Variants in PTPRZ1 observed in about 807,000 individuals in gnomAD.
PTPRZ1 encodes the protein receptor-type tyrosine-protein phosphatase zeta.
PTPRZ1 carries 82 observed loss-of-function variants against 214.1 expected under a neutral mutation model. The ratio of observed to expected loss-of-function variants is 0.38; its 90% CI spans 0.32 to 0.46. The LOEUF (loss-of-function observed/expected upper bound fraction) is 0.46, where lower values mean the gene tolerates loss of function less well. Ranked by LOEUF, PTPRZ1 falls within the 20% of genes least tolerant of loss-of-function variation. The probability of loss-of-function intolerance (pLI) is 1.00; values close to 1 mark genes in which losing one functional copy is unlikely to be tolerated. For synonymous variants in PTPRZ1, 945 were observed against 987.9 expected (o/e 0.96, Z 0.81); for missense variants, 2,603 against 2,748.7 (o/e 0.95, Z 1.19).
At chr7:122,059,039 T>C in intron 28 of PTPRZ1, 97 bp downstream of exon 28, 2 of 1,201,274 alleles carry the variant, frequency 1.7e-6, no homozygotes, top group Admixed American at 2.6e-5. Context: ...TTGGACCCAC[T>C]GTGATGATTC....
chr7:121,911,021 C>T (rs1795257777), intron 1 of PTPRZ1, among the ~76,000 whole-genome samples: 4 of 152,078 alleles, frequency 2.6e-5, no homozygotes, highest in Non-Finnish European at 4.4e-5. Context: ...AATAACTTAG[C>T]TAATGACAAC....
intron 13 of PTPRZ1, among the ~76,000 whole-genome samples, chr7:122,023,848 T>C (rs1190553406): frequency 1.3e-5 from 1 of 75,668 alleles, no homozygotes; most frequent in Non-Finnish European, 2.2e-5. Context: ...ATTATATATA[T>C]ATAAAAAAAA....
intron 2 of PTPRZ1, among the ~76,000 whole-genome samples, chr7:121,930,784 A>G (rs1053095461): frequency 1.1e-4 from 16 of 152,144 alleles, no homozygotes; most frequent in African/African-American, 3.6e-4. Context: ...ACATCTGACA[A>G]TTGTAACTCA....
At chr7:121,895,328 T>C (rs1794755627) in intron 1 of PTPRZ1, among the ~76,000 whole-genome samples, 1 of 152,142 alleles carries the variant, frequency 6.6e-6, no homozygotes, top group Admixed American at 6.5e-5. Context: ...TTATTTCTCT[T>C]TTTTGGGAGC....
chr7:122,015,726 A>C (rs538375631), intron 12 of PTPRZ1, among the ~76,000 whole-genome samples: 1 of 152,020 alleles, frequency 6.6e-6, no homozygotes, highest in Non-Finnish European at 1.5e-5. Flanking sequence ...GAGATGCTAA[A>C]CCTAAAATTA....
Position 121,984,137 on chromosome 7 carries a change from C to A in PTPRZ1, c.928+20C>A, listed in dbSNP as rs1385065159. The A allele has an allele frequency of 1.2e-6, 2 of 1,600,288 alleles. No homozygotes were observed. Among genetic ancestry groups the A allele is most frequent in the Non-Finnish European group, 1.7e-6 (2 of 1,171,106 alleles). ...AAGCAGGTATGTATTTAAATATAAT[C>A]TTCTACAACTCTCATAGATGCAGTG... On this transcript the variant is annotated intron_variant, in intron 8 of 29. Transcript: ENST00000393386.
At chr7:121,960,622 ACT>A (rs1796845793) in intron 2 of PTPRZ1, among the ~76,000 whole-genome samples, 1 of 152,200 alleles carries the variant, frequency 6.6e-6, no homozygotes, top group Non-Finnish European at 1.5e-5. Flanking sequence ...TGAAGGTAAG[ACT>A]CAACAAGAAC....
At chr7:121,895,702 T>C (rs865973214) in intron 1 of PTPRZ1, among the ~76,000 whole-genome samples, 1 of 152,202 alleles carries the variant, frequency 6.6e-6, no homozygotes, top group Non-Finnish European at 1.5e-5. Context: ...ATTGGCCTTA[T>C]GAGGAAAGGA....
intron 1 of PTPRZ1, among the ~76,000 whole-genome samples, chr7:121,926,380 C>T (rs965000048): frequency 2.6e-5 from 4 of 151,692 alleles, no homozygotes; most frequent in African/African-American, 9.7e-5. Flanking sequence ...GGCCTATGGT[C>T]AAGAACAACC....
intron 22 of PTPRZ1, among the ~76,000 whole-genome samples, chr7:122,043,066 C>T (rs1435711105): frequency 2.0e-5 from 3 of 152,222 alleles, no homozygotes; most frequent in Non-Finnish European, 4.4e-5. Flanking sequence ...CTCTTATAAG[C>T]ATACCAGTTA....
intron 2 of PTPRZ1, among the ~76,000 whole-genome samples, chr7:121,963,061 T>C (rs1796929835): frequency 6.6e-6 from 1 of 152,318 alleles, no homozygotes; most frequent in South Asian, 2.1e-4. Flanking sequence ...TGGCCTCTTT[T>C]ATTTTGCTTT....
At chr7:121,921,653 A>G (rs765231486) in intron 1 of PTPRZ1, among the ~76,000 whole-genome samples, 2 of 152,128 alleles carry the variant, frequency 1.3e-5, no homozygotes, top group Non-Finnish European at 2.9e-5. Context: ...TATTTTGCAT[A>G]AAGTTTCTAT....
At position 122,012,014 on chromosome 7, in the gene PTPRZ1, C is replaced by G. The variant is rs752205076; in HGVS notation, c.2968C>G (p.Leu990Val). ...TASLLQPTHA[L>V]SGDGEWSGAS... ...ATCATTACTGCAGCCTACTCATGCC[C>G]TCTCTGGTGATGGGGAATGGTCTGG... The change falls in exon 12 of 30, where the codon CTC becomes GTC. Residue 990 changes from leucine to valine, a missense_variant. By Grantham distance (32) the Leu-to-Val change is conservative (BLOSUM62 1). Around this residue, in one of 6 missense-constraint regions of PTPRZ1, gnomAD observed 1,913 missense variants for 1,914.3 expected, o/e 1.00. Coordinates refer to ENST00000393386, the MANE Select transcript of PTPRZ1 (RefSeq NM_002851.3). 51 of 1,614,096 alleles carry G rather than the reference C, an allele frequency of 3.2e-5. No individual in the cohort carries two copies. The East Asian group carries it at 9.1e-4, about 29-fold the overall frequency.
chr7:122,035,004 T>TAAGA (rs1799492755), intron 17 of PTPRZ1, among the ~76,000 whole-genome samples: 1 of 152,192 alleles, frequency 6.6e-6, no homozygotes, highest in Non-Finnish European at 1.5e-5. Context: ...TCTGGTTGCA[T>TAAGA]TTGTTCCCTC....
At chr7:121,891,847 ATT>A (rs1193111434) in intron 1 of PTPRZ1, among the ~76,000 whole-genome samples, 1 of 151,800 alleles carries the variant, frequency 6.6e-6, no homozygotes, top group African/African-American at 2.4e-5. Flanking sequence ...TTTTTCTGTC[ATT>A]GTCAAAAGTG....
At chr7:121,989,451 C>T (rs948233852) in intron 8 of PTPRZ1, among the ~76,000 whole-genome samples, 3 of 151,472 alleles carry the variant, frequency 2.0e-5, no homozygotes, top group African/African-American at 4.9e-5. Flanking sequence ...ATCGGCTCAC[C>T]GCAACCTCCG....
chr7:121,996,971 T>C (rs892770762), intron 9 of PTPRZ1, among the ~76,000 whole-genome samples: 8 of 152,208 alleles, frequency 5.3e-5, no homozygotes, highest in African/African-American at 1.9e-4. Flanking sequence ...ATACAAGTCC[T>C]CTTTGTTGCA....
intron 18 of PTPRZ1, among the ~76,000 whole-genome samples, chr7:122,038,346 T>C (rs1238010308): frequency 6.6e-6 from 1 of 152,150 alleles, no homozygotes; most frequent in Admixed American, 6.5e-5. Context: ...CAGATGCTTT[T>C]TTAAGCTGTT....
At chr7:122,004,207 T>A (rs1489543383) in intron 10 of PTPRZ1, among the ~76,000 whole-genome samples, 3 of 152,196 alleles carry the variant, frequency 2.0e-5, no homozygotes, top group African/African-American at 7.2e-5. Context: ...ATCCCTGGCA[T>A]TTCCCCAACC....
Sources: allele counts gnomAD v4.1 joint callset (sites outside exome capture counted in the v4.1 genomes callset), GRCh38; gene constraint gnomAD v4.1.1; regional missense constraint gnomAD v4.1.1; transcripts MANE v1.5; gene names NCBI Gene and HGNC (gene_info 2026-07-23, HGNC 2026-07-21).